The following TRPM1 variants were observed in gnomAD, a reference collection of about 807,000 sequenced individuals.
The protein encoded by TRPM1 is TRPM1-203 APA Isoform, Intron 10.
A neutral mutation model predicts 149.4 loss-of-function variants in TRPM1; 113 were observed. That is an observed-to-expected ratio of 0.76 (90% CI 0.65 to 0.88). The LOEUF (loss-of-function observed/expected upper bound fraction) is 0.88, where lower values mean the gene tolerates loss of function less well. Among genes scored for constraint, TRPM1 ranks in the 40% least tolerant of loss-of-function variants. The pLI is 0.00. For missense variants in TRPM1, 1,976 were observed against 2,038.7 expected, an observed-to-expected ratio of 0.97 and a Z score of 0.59; for synonymous variants, 741 against 759.5, an observed-to-expected ratio of 0.98 and a Z score of 0.40.
rs1208604865 is a variant in TRPM1 at position 31,053,412 on chromosome 15, G to A, written c.1264-2830C>T. 7.2e-5 allele frequency among the ~76,000 whole-genome samples: 8 copies of A among 111,838 alleles called. No homozygotes were observed. The East Asian group carries it at 2.3e-3, about 32-fold the overall frequency. 73.4% of individuals were successfully genotyped at this position (111,838 alleles called of 152,430 possible). ...ACTACAGATGTGTGCCACCACTCCC[G>A]GCTCATTTTTTTTTTTTTTTCTGTA... On this transcript the variant is annotated intron_variant, in intron 11 of 27. Transcript: ENST00000256552.
At chr15:31,052,399 G>A (rs2033969803) in intron 11 of TRPM1, among the ~76,000 whole-genome samples, 1 of 152,174 alleles carries the variant, frequency 6.6e-6, no homozygotes, top group Non-Finnish European at 1.5e-5. Context: ...GCAAAAGACT[G>A]GAGTTGGACC....
intron 1 of TRPM1, among the ~76,000 whole-genome samples, chr15:31,144,935 C>T (rs949934909): frequency 1.3e-5 from 2 of 151,990 alleles, no homozygotes; most frequent in African/African-American, 4.8e-5. Flanking sequence ...AGGCTGATCT[C>T]GAGCTCCCGA....
At chr15:31,022,098 G>A (rs1008365579) in intron 27 of TRPM1, among the ~76,000 whole-genome samples, 14 of 152,184 alleles carry the variant, frequency 9.2e-5, no homozygotes, top group Non-Finnish European at 7.4e-5. Context: ...TTGAGAAAAG[G>A]AAGTTGGGTC....
intron 11 of TRPM1, among the ~76,000 whole-genome samples, chr15:31,051,020 G>A (rs1470215768): frequency 1.3e-5 from 2 of 152,320 alleles, no homozygotes; most frequent in East Asian, 3.9e-4. Context: ...GATTGTGAAG[G>A]GGGTACAAGA....
At chr15:31,121,019 A>G (rs773102440) in intron 1 of TRPM1, among the ~76,000 whole-genome samples, 5 of 152,064 alleles carry the variant, frequency 3.3e-5, no homozygotes, top group East Asian at 1.9e-4. Flanking sequence ...ACGAGGTCAG[A>G]AGTTCAAGAC....
At chr15:31,063,371 G>A in intron 7 of TRPM1, 79 bp from the exon 8 acceptor site, 2 of 1,574,380 alleles carry the variant, frequency 1.3e-6, no homozygotes, top group Admixed American at 1.7e-5. Context: ...TGAAGTATGG[G>A]GAAGAGTAAA....
At chr15:31,020,187 C>T (rs1050451177) in intron 27 of TRPM1, among the ~76,000 whole-genome samples, 5 of 152,232 alleles carry the variant, frequency 3.3e-5, no homozygotes, top group Admixed American at 6.5e-5. Flanking sequence ...TGGTTGGCCA[C>T]GAAGTGAAGC....
At chr15:31,018,721 A>G (rs2032455512) in intron 27 of TRPM1, among the ~76,000 whole-genome samples, 1 of 152,220 alleles carries the variant, frequency 6.6e-6, no homozygotes, top group Non-Finnish European at 1.5e-5. Context: ...GCTGGAGTGC[A>G]GGGGTGCAAT....
chr15:31,113,223 C>G (rs556236009), intron 1 of TRPM1, among the ~76,000 whole-genome samples: 1 of 152,166 alleles, frequency 6.6e-6, no homozygotes, highest in African/African-American at 2.4e-5. Context: ...GAGTGAATCT[C>G]CCAGCCAAAT....
intron 18 of TRPM1, among the ~76,000 whole-genome samples, chr15:31,038,429 T>A (rs2033499876): frequency 6.6e-6 from 1 of 152,194 alleles, no homozygotes; most frequent in South Asian, 2.1e-4. Flanking sequence ...AAGAAAAGTC[T>A]TGGCTGGCAT....
At chr15:31,106,049 A>G (rs905658163), upstream of TRPM1, among the ~76,000 whole-genome samples, 2 of 152,214 alleles carry the variant, frequency 1.3e-5, no homozygotes, top group Non-Finnish European at 2.9e-5. Context: ...GCAAAGTCCA[A>G]TCTGCAAACA....
intron 1 of TRPM1, among the ~76,000 whole-genome samples, chr15:31,117,810 A>G (rs2035822468): frequency 6.6e-6 from 1 of 152,222 alleles, no homozygotes; most frequent in African/African-American, 2.4e-5. Context: ...AAAAACACCT[A>G]CAGCAATAAA....
At chr15:31,016,452 A>T (rs917295523) in intron 27 of TRPM1, among the ~76,000 whole-genome samples, 4 of 151,802 alleles carry the variant, frequency 2.6e-5, no homozygotes, top group Non-Finnish European at 5.9e-5. Flanking sequence ...CTGGGTTTGG[A>T]TTTACTTGTA....
rs1002647717 is a variant in TRPM1 at position 31,035,772 on chromosome 15, T to C, written c.2572-98A>G. The C allele has an allele frequency of 9.0e-6, 14 of 1,556,752 alleles. No homozygotes were observed. In the East Asian group the frequency reaches 2.0e-4, roughly 22 times the overall value. On this transcript the variant is annotated intron_variant, in intron 20 of 27. Coordinates refer to ENST00000256552, the MANE Select transcript of TRPM1 (RefSeq NM_001252024.2). ...TTTCAGGTTGACACATCTAAAAGAA[T>C]CTTTGTTTCCAACTGGACTGACTCA...
intron 16 of TRPM1, among the ~76,000 whole-genome samples, chr15:31,044,322 A>G (rs1239332524): frequency 6.6e-6 from 1 of 152,242 alleles, no homozygotes; most frequent in Non-Finnish European, 1.5e-5. Context: ...ACAATGCAAT[A>G]ACAGTAGGGA....
At chr15:31,054,483 CG>C (rs2034032453) in intron 11 of TRPM1, among the ~76,000 whole-genome samples, 1 of 151,934 alleles carries the variant, frequency 6.6e-6, no homozygotes, top group Non-Finnish European at 1.5e-5. Flanking sequence ...TTAGTAGAGA[CG>C]GGGTTTCACC....
chr15:31,075,892 T>A (rs1250027440), intron 3 of TRPM1, among the ~76,000 whole-genome samples: 2 of 152,056 alleles, frequency 1.3e-5, no homozygotes, highest in Non-Finnish European at 2.9e-5. Flanking sequence ...TTTTTTTTTT[T>A]TTTTAATCCA....
chr15:31,134,873 C>T (rs1044721082), intron 1 of TRPM1, among the ~76,000 whole-genome samples: 2 of 152,146 alleles, frequency 1.3e-5, no homozygotes, highest in African/African-American at 4.8e-5. Flanking sequence ...TGTGGTGGCC[C>T]ATGCCTGTAA....
chr15:31,070,507 C>T, intron 3 of TRPM1: 1 of 664,516 alleles, frequency 1.5e-6, no homozygotes, highest in Non-Finnish European at 2.8e-6. Flanking sequence ...TCAGTATAAA[C>T]ATCAAGTACT....
Sources: gnomAD v4.1 joint callset for allele counts (sites outside exome capture counted in the v4.1 genomes callset) on GRCh38, gnomAD v4.1.1 for gene constraint, MANE v1.5 for transcripts, NCBI Gene and HGNC (gene_info 2026-07-23, HGNC 2026-07-21) for gene names.